Variants in FARP1 observed in about 807,000 individuals in gnomAD.
The protein encoded by FARP1 is FERM, ARH/RhoGEF and pleckstrin domain protein 1, also known as FERM, ARHGEF and pleckstrin domain-containing protein 1.
Under a neutral mutation model 128.8 loss-of-function variants are expected in FARP1, and 52 were observed. That is an observed-to-expected ratio of 0.40 (90% confidence interval 0.32 to 0.51). The LOEUF (loss-of-function observed/expected upper bound fraction) is 0.51. Ranked by LOEUF, FARP1 falls within the 20% of genes least tolerant of loss-of-function variation. The pLI, the probability that FARP1 is intolerant of heterozygous loss-of-function variation, is 0.45. For missense variants in FARP1, 1,333 were observed against 1,367.9 expected (o/e 0.97, Z 0.40); for synonymous variants, 580 against 551.8 (o/e 1.05, Z -0.72).
At chr13:98,320,917 A>G (rs1886964596) in intron 2 of FARP1, among the ~76,000 whole-genome samples, 1 of 152,062 alleles carries the variant, frequency 6.6e-6, no homozygotes. Flanking sequence ...TAAATGTAAA[A>G]CTGGAGCTGT....
chr13:98,283,244 A>T (rs1168864391), intron 2 of FARP1, among the ~76,000 whole-genome samples: 1 of 152,214 alleles, frequency 6.6e-6, no homozygotes, highest in Non-Finnish European at 1.5e-5. Flanking sequence ...GAAAATCAGG[A>T]CATCTTCATT....
At chr13:98,270,114 G>A (rs1336421521) in intron 2 of FARP1, among the ~76,000 whole-genome samples, 2 of 152,194 alleles carry the variant, frequency 1.3e-5, no homozygotes, top group Non-Finnish European at 1.5e-5. Flanking sequence ...AAGGAGAAAT[G>A]CAGTACATAA....
At chr13:98,252,373 TC>T (rs773172946) in intron 2 of FARP1, among the ~76,000 whole-genome samples, 81 of 152,348 alleles carry the variant, frequency 5.3e-4, no homozygotes, top group Admixed American at 2.5e-3. Context: ...CTTGTCAGGT[TC>T]ACATTCATGT....
chr13:98,262,643 G>A (rs1158451420), intron 2 of FARP1, among the ~76,000 whole-genome samples: 3 of 152,302 alleles, frequency 2.0e-5, no homozygotes, highest in East Asian at 1.9e-4. Flanking sequence ...AATACCGAAT[G>A]GTCATATTCA....
chr13:98,333,868 C>G (rs941479317), intron 2 of FARP1: 14 of 152,082 alleles, frequency 9.2e-5, no homozygotes, highest in African/African-American at 3.1e-4. Context: ...TCGGTGGTCG[C>G]AGTTTCCTGA....
At chr13:98,417,599 G>A (rs1396946722) in intron 16 of FARP1, among the ~76,000 whole-genome samples, 1 of 152,146 alleles carries the variant, frequency 6.6e-6, no homozygotes. Context: ...ACTCCGGGCA[G>A]GAGGAAGTCC....
In FARP1 at chr13:98,177,257, A is replaced by T. The variant is rs371853234; in HGVS notation, c.-24+33765A>T. On this transcript the variant is annotated intron_variant, in intron 1 of 26. Transcript: ENST00000319562. ...GCCATGTTTGAGTCTCAGGCTCCCA[A>T]CGGCCGTGGCGTGCGTCACCCTTGC... is the stretch of plus-strand genomic sequence containing the variant. 2.0e-6 allele frequency: 3 copies of T among 1,527,064 alleles called. No homozygotes were observed. In the East Asian group the frequency reaches 6.8e-5, roughly 35 times the overall value. 94.6% of individuals were successfully genotyped at this position (1,527,064 alleles called of 1,614,324 possible).
At chr13:98,346,562 T>C (rs368260640) in intron 3 of FARP1, among the ~76,000 whole-genome samples, 1 of 151,126 alleles carries the variant, frequency 6.6e-6, no homozygotes, top group African/African-American at 2.4e-5. Flanking sequence ...CTGGCCAACA[T>C]AGTGAAACCC....
In FARP1 at chr13:98,240,689, G is replaced by A. The variant is rs191267797; in HGVS notation, c.171+27276G>A. Among the ~76,000 whole-genome samples the A allele has an allele frequency of 4.0e-3, 607 of 152,336 alleles. 3 individuals carry two copies. The highest frequency in any genetic ancestry group is 4.5e-3 in the Non-Finnish European group (304 of 68,034). ...GCCTGCGGACGTCATCTCACTGGTCGGGAGAGGATGAGAATTTCAGTGATT... is the reference window on the plus strand; with the variant it reads ...GCCTGCGGACGTCATCTCACTGGTCAGGAGAGGATGAGAATTTCAGTGATT... On this transcript the variant is annotated intron_variant, in intron 2 of 26. Coordinates refer to ENST00000319562, the MANE Select transcript of FARP1 (RefSeq NM_005766.4).
intron 2 of FARP1, among the ~76,000 whole-genome samples, chr13:98,292,008 G>A (rs147082803): frequency 6.6e-6 from 1 of 152,310 alleles, no homozygotes; most frequent in African/African-American, 2.4e-5. Context: ...CTAAACTTGG[G>A]TGGGTGGATA....
intron 17 of FARP1, among the ~76,000 whole-genome samples, chr13:98,430,647 A>G (rs1431939240): frequency 6.6e-6 from 1 of 152,244 alleles, no homozygotes; most frequent in African/African-American, 2.4e-5. Context: ...TGTAATGCTC[A>G]CTGACGGCCC....
At chr13:98,346,939 CAAT>C (rs891942242) in intron 3 of FARP1, among the ~76,000 whole-genome samples, 3 of 152,082 alleles carry the variant, frequency 2.0e-5, no homozygotes, top group African/African-American at 7.2e-5. Flanking sequence ...TCGATAACTT[CAAT>C]AATAGTTACA....
intron 2 of FARP1, among the ~76,000 whole-genome samples, chr13:98,315,875 T>A (rs1380821921): frequency 6.6e-6 from 1 of 152,212 alleles, no homozygotes; most frequent in Non-Finnish European, 1.5e-5. Flanking sequence ...GATCCTCAAA[T>A]AAAATAGCTC....
At chr13:98,250,646 G>A (rs542153347) in intron 2 of FARP1, among the ~76,000 whole-genome samples, 43 of 150,884 alleles carry the variant, frequency 2.8e-4, no homozygotes, top group African/African-American at 1.0e-3. Flanking sequence ...GCTTGAACCC[G>A]AGAGGCAGAG....
intron 2 of FARP1, among the ~76,000 whole-genome samples, chr13:98,220,792 A>G (rs1436573421): frequency 2.0e-5 from 3 of 152,224 alleles, no homozygotes; most frequent in East Asian, 3.9e-4. Context: ...GACCCTTGTG[A>G]TCAAAGTCAG....
intron 24 of FARP1, among the ~76,000 whole-genome samples, chr13:98,443,295 G>A (rs1422192697): frequency 6.6e-6 from 1 of 152,218 alleles, no homozygotes; most frequent in Non-Finnish European, 1.5e-5. Flanking sequence ...TTTGAAGGTG[G>A]CAGTGACCAC....
At chr13:98,375,961 G>A (rs766245391) in intron 5 of FARP1, among the ~76,000 whole-genome samples, 18 of 152,106 alleles carry the variant, frequency 1.2e-4, no homozygotes, top group Non-Finnish European at 2.4e-4. Context: ...TGCAAAGGGT[G>A]CTACTGAGAG....
intron 1 of FARP1, among the ~76,000 whole-genome samples, chr13:98,208,229 C>T (rs1244728827): frequency 2.0e-5 from 3 of 151,806 alleles, no homozygotes; most frequent in Non-Finnish European, 1.5e-5. Flanking sequence ...GTGGCTAACT[C>T]CTGTAATCCC....
intron 16 of FARP1, among the ~76,000 whole-genome samples, chr13:98,418,419 C>T (rs1348542653): frequency 2.6e-5 from 4 of 152,098 alleles, no homozygotes; most frequent in African/African-American, 4.8e-5. Context: ...GGATTACAGG[C>T]GTGCATCACC....
Sources: gnomAD v4.1 joint callset for allele counts (sites outside exome capture counted in the v4.1 genomes callset) on GRCh38, gnomAD v4.1.1 for gene constraint, MANE v1.5 for transcripts, NCBI Gene and HGNC (gene_info 2026-07-23, HGNC 2026-07-21) for gene names.